Variants in FSIP1 observed in about 807,000 individuals in gnomAD.
The protein encoded by FSIP1 is fibrous sheath interacting protein 1.
In FSIP1, 65 loss-of-function variants were observed where a neutral mutation model predicts 60.9. The ratio of observed to expected loss-of-function variants is 1.07; its 90% CI spans 0.87 to 1.31. The LOEUF (loss-of-function observed/expected upper bound fraction) is 1.31, where lower values mean the gene tolerates loss of function less well. Ranked by LOEUF, FSIP1 falls within the 40% of genes most tolerant of loss-of-function variation. The pLI is 0.00. For missense variants in FSIP1, 675 were observed against 665.5 expected (o/e 1.01, Z -0.16); for synonymous variants, 209 against 221.2 (o/e 0.94, Z 0.49).
intron 9 of FSIP1, among the ~76,000 whole-genome samples, chr15:39,716,298 T>C (rs992231761): frequency 6.6e-6 from 1 of 152,202 alleles, no homozygotes; most frequent in African/African-American, 2.4e-5. Flanking sequence ...TCTACAACTA[T>C]GATTTTTTCT....
Position 39,617,814 on chromosome 15 carries a change from A to C in FSIP1, c.1620T>G (p.Asp540Glu). 1 of 1,613,984 alleles carries C rather than the reference A, an allele frequency of 6.2e-7. No individual in the cohort carries two copies. The change falls in exon 11 of 12, where the codon GAT becomes GAG. Residue 540 changes from aspartate to glutamate, a missense_variant. Coordinates refer to ENST00000350221, the MANE Select transcript of FSIP1 (RefSeq NM_152597.5). ...GGCTCACACTGATACCATACAGTGG[A>C]TCATCTAAGAAGGAGGGCCTTTTCA... ...GRLKRPSFLD[D>E]PLYGISVSLS...
chr15:39,776,357 G>C, intron 2 of FSIP1, 42 bp downstream of exon 2: 2 of 1,592,268 alleles, frequency 1.3e-6, no homozygotes, highest in Non-Finnish European at 1.7e-6. Context: ...ACTGCTGAGA[G>C]GTTGGGGAAA....
At chr15:39,741,476 T>C (rs1425886628) in intron 6 of FSIP1, among the ~76,000 whole-genome samples, 1 of 152,226 alleles carries the variant, frequency 6.6e-6, no homozygotes, top group African/African-American at 2.4e-5. Flanking sequence ...AACCACAGCA[T>C]ATGCTCTTGG....
At chr15:39,604,745 T>C (rs1274733612) in intron 11 of FSIP1, among the ~76,000 whole-genome samples, 3 of 152,142 alleles carry the variant, frequency 2.0e-5, no homozygotes, top group Non-Finnish European at 4.4e-5. Flanking sequence ...ATTTAACAAA[T>C]AGTAACTATG....
At chr15:39,666,886 C>T (rs989637184) in intron 10 of FSIP1, among the ~76,000 whole-genome samples, 8 of 152,160 alleles carry the variant, frequency 5.3e-5, no homozygotes, top group African/African-American at 1.7e-4. Flanking sequence ...TAAAGTAGGC[C>T]AGCCTGAACT....
chr15:39,754,080 A>G (rs1050868226), intron 5 of FSIP1, among the ~76,000 whole-genome samples: 2 of 152,078 alleles, frequency 1.3e-5, no homozygotes, highest in Admixed American at 1.3e-4. Context: ...TAATAACTCA[A>G]TTTGTTGAGC....
At chr15:39,768,497 T>C (rs1338193680) in intron 3 of FSIP1, among the ~76,000 whole-genome samples, 1 of 152,244 alleles carries the variant, frequency 6.6e-6, no homozygotes, top group African/African-American at 2.4e-5. Context: ...TCACATTTTA[T>C]AACAAATAAC....
chr15:39,625,409 G>C (rs1382484193), intron 10 of FSIP1, among the ~76,000 whole-genome samples: 1 of 152,188 alleles, frequency 6.6e-6, no homozygotes, highest in African/African-American at 2.4e-5. Context: ...GGCTTGCCGG[G>C]GACATAAGCA....
At chr15:39,765,241 C>CTTTTTTTTTT (rs71132116) in intron 4 of FSIP1, among the ~76,000 whole-genome samples, 5 of 115,174 alleles carry the variant, frequency 4.3e-5, no homozygotes, top group African/African-American at 6.7e-5. Context: ...GAAATTCTTT[C>CTTTTTTTTTT]TTTTTTTTTT....
At chr15:39,742,633 T>C (rs1234745592) in intron 5 of FSIP1, among the ~76,000 whole-genome samples, 1 of 152,136 alleles carries the variant, frequency 6.6e-6, no homozygotes, top group Admixed American at 6.6e-5. Flanking sequence ...GTCTTGAGGA[T>C]ATTACAGGAT....
At chr15:39,726,852 A>ACACACACAC in intron 8 of FSIP1, 105 bp from the exon 9 acceptor site, 1 of 621,962 alleles carries the variant, frequency 1.6e-6, no homozygotes, top group African/African-American at 1.9e-5. Context: ...TACACACACA[A>ACACACACAC]ACACACACAC....
chr15:39,735,200 A>C (rs1489953112), intron 8 of FSIP1, among the ~76,000 whole-genome samples: 1 of 152,216 alleles, frequency 6.6e-6, no homozygotes, highest in African/African-American at 2.4e-5. Context: ...CGACAGGAAT[A>C]TGTGTTCTAA....
chr15:39,744,621 G>A (rs1210616424), intron 5 of FSIP1, among the ~76,000 whole-genome samples: 2 of 152,152 alleles, frequency 1.3e-5, no homozygotes, highest in Non-Finnish European at 2.9e-5. Flanking sequence ...ACCTGGAACT[G>A]AGGGGAGACC....
intron 10 of FSIP1, among the ~76,000 whole-genome samples, chr15:39,689,707 C>T (rs1413573288): frequency 2.0e-5 from 3 of 152,266 alleles, no homozygotes; most frequent in East Asian, 3.9e-4. Context: ...CTTATTATAT[C>T]ACAATATCAC....
intron 10 of FSIP1, among the ~76,000 whole-genome samples, chr15:39,709,155 G>A (rs1895394701): frequency 6.6e-6 from 1 of 152,138 alleles, no homozygotes; most frequent in African/African-American, 2.4e-5. Context: ...AACCCCCAGG[G>A]TTCCTATACT....
intron 10 of FSIP1, among the ~76,000 whole-genome samples, chr15:39,691,550 A>G (rs1224394051): frequency 6.6e-6 from 1 of 152,262 alleles, no homozygotes; most frequent in African/African-American, 2.4e-5. Flanking sequence ...GTTCTTCTTC[A>G]AGAAGTTAGG....
At chr15:39,769,147 C>T (rs1037300587) in intron 3 of FSIP1, among the ~76,000 whole-genome samples, 2 of 151,810 alleles carry the variant, frequency 1.3e-5, no homozygotes, top group East Asian at 1.9e-4. Flanking sequence ...GGCGTGGTAG[C>T]GGGCGCCTGT....
chr15:39,725,843 G>C (rs760172218), intron 9 of FSIP1, among the ~76,000 whole-genome samples: 1 of 151,024 alleles, frequency 6.6e-6, no homozygotes, highest in Non-Finnish European at 1.5e-5. Context: ...GGAGTGCAGC[G>C]GCACTATATC....
At position 39,726,743 on chromosome 15, in the gene FSIP1, T is replaced by G. The variant is rs534551241; in HGVS notation, c.896A>C (p.Asp299Ala). 23 of 1,613,898 alleles carry G rather than the reference T, an allele frequency of 1.4e-5. No individual in the cohort carries two copies. In the South Asian group the frequency reaches 2.1e-4, roughly 15 times the overall value. ...TACTGGGACCACCCAGCCAGACTGA[T>G]CACCCTAAGAGGAAACAAGGGTCAC... The part of the protein sequence containing the change: ...KDSGLSSSEG[D>A]QSGWVVPVKG... Residue 299 changes from aspartate (D) to alanine (A), a missense_variant, in exon 9 of 12, where the codon GAT becomes GCT. Coordinates refer to ENST00000350221, the MANE Select transcript of FSIP1 (RefSeq NM_152597.5).
Sources: allele counts gnomAD v4.1 joint callset (sites outside exome capture counted in the v4.1 genomes callset), GRCh38; gene constraint gnomAD v4.1.1; transcripts MANE v1.5; gene names NCBI Gene and HGNC (gene_info 2026-07-23, HGNC 2026-07-21).